The following ZNF124 variants were observed in gnomAD, a reference collection of about 807,000 sequenced individuals.
ZNF124 encodes the protein zinc finger protein HZF-16.
Under a neutral mutation model 26.6 loss-of-function variants are expected in ZNF124, and 25 were observed. That is an observed-to-expected ratio of 0.94 (90% CI 0.68 to 1.31). The LOEUF (loss-of-function observed/expected upper bound fraction) is 1.31, where lower values mean the gene tolerates loss of function less well. ZNF124 is among the 40% of genes most tolerant of loss of function. The pLI, the probability that ZNF124 is intolerant of heterozygous loss-of-function variation, is 0.00. For synonymous variants in ZNF124, 129 were observed against 133.3 expected (o/e 0.97, Z 0.22); for missense variants, 444 against 422.2 (o/e 1.05, Z -0.45).
At position 247,157,361 on chromosome 1, in the gene ZNF124, C is replaced by G; in HGVS notation, c.261G>C (p.Glu87Asp). ...SHSGNNPYGC[E>D]ECGKKPCTCK... Reference sequence around the variant, plus strand: ...ATGTACATGGCTTCTTTCCGCATTCCTCACACCCATATGGGTTGTTTCCAG... The same window carrying G: ...ATGTACATGGCTTCTTTCCGCATTCGTCACACCCATATGGGTTGTTTCCAG... The change falls in exon 4 of 4, where the codon GAG (glutamate) becomes GAC (aspartate). Residue 87 changes from glutamate (E) to aspartate (D), a missense_variant. Transcript: ENST00000543802. The G allele has an allele frequency of 6.4e-7, 1 of 1,554,558 alleles. No homozygotes were observed. Among genetic ancestry groups the G allele is most frequent in the Non-Finnish European group, 8.7e-7 (1 of 1,148,182 alleles).
At chr1:247,151,341 T>C (rs377433592), downstream of ZNF124, among the ~76,000 whole-genome samples, 431 of 151,978 alleles carry the variant, frequency 2.8e-3, 5 homozygotes, top group African/African-American at 9.8e-3. Context: ...TAGCCGGGCG[T>C]GGTGGCGGGC....
chr1:247,130,091 C>T (rs1672298645), intron 3 of ZNF124, among the ~76,000 whole-genome samples: 1 of 152,112 alleles, frequency 6.6e-6, no homozygotes, highest in Non-Finnish European at 1.5e-5. Context: ...TCGTTTGTCA[C>T]CTTGAAAATA....
intron 3 of ZNF124, among the ~76,000 whole-genome samples, chr1:247,148,200 A>G (rs1055712402): frequency 1.3e-5 from 2 of 152,194 alleles, no homozygotes; most frequent in East Asian, 1.9e-4. Flanking sequence ...CTCTCACACA[A>G]CAACCTCGCT....
rs201316384 is a variant in ZNF124 at position 247,159,672 on chromosome 1, T to C, written c.157+15A>G. On this transcript the variant is annotated intron_variant, in intron 2 of 3. Transcript: ENST00000543802. ...CTTTCTGATTGACTAAGTGAAGAAA[T>C]ATTGTGATTCTTACCTATGGAAGCC... 1.9e-6 allele frequency: 3 copies of C among 1,606,496 alleles called. No homozygotes were observed. In the East Asian group the frequency reaches 6.7e-5, roughly 36 times the overall value.
intron 3 of ZNF124, among the ~76,000 whole-genome samples, chr1:247,135,257 A>T (rs867569639): frequency 6.6e-6 from 1 of 152,152 alleles, no homozygotes; most frequent in Non-Finnish European, 1.5e-5. Flanking sequence ...CAAACCCAGG[A>T]GCTGGTTATT....
intron 3 of ZNF124, among the ~76,000 whole-genome samples, chr1:247,141,851 G>A (rs990601978): frequency 6.6e-6 from 1 of 152,186 alleles, no homozygotes; most frequent in African/African-American, 2.4e-5. Flanking sequence ...GACCTCTATG[G>A]TAAGTCTGAG....
rs376454695 is a variant in ZNF124, at chr1:247,136,233, T to C, written c.219-12362A>G. ...AAGTCTGTTTGTAGATGACATAATT[T>C]TATATTTGAAAAACCCCATCATCTC... On this transcript the variant is annotated intron_variant, in intron 3 of 3. Transcript: ENST00000472531. Among the ~76,000 whole-genome samples, 94 of 152,222 alleles carry C rather than the reference T, an allele frequency of 6.2e-4. No homozygotes were observed. The South Asian group carries it at 0.019, about 31-fold the overall frequency.
At chr1:247,128,926 T>C (rs1672283101) in intron 3 of ZNF124, among the ~76,000 whole-genome samples, 1 of 119,166 alleles carries the variant, frequency 8.4e-6, no homozygotes, top group Non-Finnish European at 1.7e-5. Context: ...AGGGTGGACA[T>C]TGAGTACTTC....
chr1:247,158,174 C>T (rs184014437), intron 3 of ZNF124, among the ~76,000 whole-genome samples: 71 of 152,158 alleles, frequency 4.7e-4, no homozygotes, highest in African/African-American at 1.4e-3. Flanking sequence ...CACTTGAACC[C>T]GGGAGGCGGA....
rs1269791576 is a variant in ZNF124, at chr1:247,138,459, G to A, written c.219-14588C>T. On this transcript the variant is annotated intron_variant, in intron 3 of 3. Coordinates refer to the ZNF124 transcript ENST00000472531. Reference sequence around the variant, plus strand: ...AGAGGGGGAACAACACACACCAGGGGCTGTTGGGGGTTGGGGGGTGAGGGG... The same window carrying A: ...AGAGGGGGAACAACACACACCAGGGACTGTTGGGGGTTGGGGGGTGAGGGG... 1.5e-5 allele frequency: 4 copies of A among 273,692 alleles called. No individual in the cohort carries two copies. In the East Asian group the frequency reaches 1.7e-4, roughly 12 times the overall value. The allele number at this position is 273,692 out of a possible 1,614,324, so 17.0% of individuals were successfully genotyped here.
At chr1:247,134,097 G>A (rs980226917) in intron 3 of ZNF124, among the ~76,000 whole-genome samples, 1 of 152,102 alleles carries the variant, frequency 6.6e-6, no homozygotes, top group Non-Finnish European at 1.5e-5. Context: ...AAGAGCTCCT[G>A]AAAGAAGCAC....
chr1:247,139,012 G>GACTTCAAGTTGTAACTTACT, intron 3 of ZNF124, among the ~76,000 whole-genome samples: 1 of 152,086 alleles, frequency 6.6e-6, no homozygotes, highest in East Asian at 1.9e-4. Context: ...GCTCCCTCCC[G>GACTTCAAGTTGTAACTTACT]ACTTCAAGTT....
At chr1:247,147,044 A>G (rs547507441) in intron 3 of ZNF124, among the ~76,000 whole-genome samples, 1 of 152,136 alleles carries the variant, frequency 6.6e-6, no homozygotes, top group African/African-American at 2.4e-5. Flanking sequence ...CATAGTGGAA[A>G]TTCAGGCTAT....
chr1:247,143,619 C>G (rs1049738922), intron 3 of ZNF124, among the ~76,000 whole-genome samples: 4 of 152,202 alleles, frequency 2.6e-5, no homozygotes, highest in Admixed American at 6.5e-5. Flanking sequence ...TCTAATTACT[C>G]CTGAGAGACT....
intron 1 of ZNF124, 57 bp from the exon 2 acceptor site, chr1:247,159,870 G>GTA (rs1673378211): frequency 6.6e-7 from 1 of 1,526,378 alleles, no homozygotes; most frequent in African/African-American, 1.4e-5. Context: ...CTGGAAATCT[G>GTA]TAGTCAATTT....
intron 3 of ZNF124, among the ~76,000 whole-genome samples, chr1:247,145,415 T>TTAACA (rs1057362900): frequency 4.6e-5 from 7 of 152,150 alleles, no homozygotes; most frequent in Admixed American, 4.6e-4. Context: ...TGACAAGGTA[T>TTAACA]TAACAATACC....
chr1:247,130,199 G>T (rs1189024977), intron 3 of ZNF124, among the ~76,000 whole-genome samples: 1 of 152,204 alleles, frequency 6.6e-6, no homozygotes, highest in Non-Finnish European at 1.5e-5. Flanking sequence ...CAAGAAAGAG[G>T]TGTATATCAG....
intron 1 of ZNF124, among the ~76,000 whole-genome samples, chr1:247,170,543 G>A (rs4925589): frequency 0.079 from 8,664 of 109,888 alleles, 150 homozygotes; most frequent in African/African-American, 0.16. Flanking sequence ...TTGTAGCAGG[G>A]CAAGCTGCAG....
chr1:247,156,052 T>C lies in ZNF124; in HGVS notation c.*514A>G. On this transcript the variant is annotated 3_prime_UTR_variant, in exon 4 of 4. Coordinates refer to ENST00000543802, the MANE Select transcript of ZNF124 (RefSeq NM_001297568.2). ...TTATTTTCCATAAGGTTTTCCATAA[T>C]ATTTACATTTACAGGATTTATTTCC... 1 of 968,890 alleles carries C rather than the reference T, an allele frequency of 1.0e-6. No individual in the cohort carries two copies. The highest frequency in any genetic ancestry group is 1.2e-6 in the Non-Finnish European group (1 of 814,906). The allele number at this position is 968,890 out of a possible 1,614,324, so 60.0% of individuals were successfully genotyped here.
Sources: gnomAD v4.1 joint callset for allele counts (sites outside exome capture counted in the v4.1 genomes callset) on GRCh38, gnomAD v4.1.1 for gene constraint, MANE v1.5 for transcripts, NCBI Gene and HGNC (gene_info 2026-07-23, HGNC 2026-07-21) for gene names.